The following GRID1 variants were observed in gnomAD, a reference collection of about 807,000 sequenced individuals.
The protein encoded by GRID1 is glutamate ionotropic receptor delta type subunit 1.
A neutral mutation model predicts 98.0 loss-of-function variants in GRID1; 28 were observed. That is an observed-to-expected ratio of 0.29 (90% CI 0.21 to 0.39). The LOEUF (loss-of-function observed/expected upper bound fraction) is 0.39. Among genes scored for constraint, GRID1 ranks in the 10% least tolerant of loss-of-function variants. The probability of loss-of-function intolerance (pLI) is 1.00; values close to 1 mark genes in which losing one functional copy is unlikely to be tolerated. For missense variants in GRID1, 1,111 were observed against 1,340.5 expected (o/e 0.83, Z 2.67); for synonymous variants, 553 against 538.5 (o/e 1.03, Z -0.37).
At chr10:85,757,283 A>G (rs1050648553) in intron 8 of GRID1, among the ~76,000 whole-genome samples, 2 of 152,198 alleles carry the variant, frequency 1.3e-5, no homozygotes, top group African/African-American at 4.8e-5. Context: ...ATGAGAAGGA[A>G]AGTTTTCCCT....
chr10:86,042,151 A>C (rs907902433), intron 4 of GRID1, among the ~76,000 whole-genome samples: 1 of 152,196 alleles, frequency 6.6e-6, no homozygotes, highest in Non-Finnish European at 1.5e-5. Context: ...GCTTCAGCCA[A>C]ATTCTCTAAA....
intron 12 of GRID1, among the ~76,000 whole-genome samples, chr10:85,715,915 T>G (rs1168413925): frequency 6.6e-6 from 1 of 152,086 alleles, no homozygotes; most frequent in African/African-American, 2.4e-5. Context: ...CCTTTTTTTT[T>G]TTTTCTTTTG....
At chr10:86,274,756 G>T (rs1847243038) in intron 2 of GRID1, among the ~76,000 whole-genome samples, 1 of 151,628 alleles carries the variant, frequency 6.6e-6, no homozygotes, top group Non-Finnish European at 1.5e-5. Context: ...TTTGTACATT[G>T]ATTTTGTATC....
At chr10:85,802,505 T>C (rs943083437) in intron 8 of GRID1, among the ~76,000 whole-genome samples, 1 of 152,036 alleles carries the variant, frequency 6.6e-6, no homozygotes, top group African/African-American at 2.4e-5. Context: ...AATAGAACTG[T>C]GGTAAAATGC....
intron 4 of GRID1, among the ~76,000 whole-genome samples, chr10:86,079,020 CACAG>C: frequency 6.6e-6 from 1 of 152,352 alleles, no homozygotes; most frequent in Middle Eastern, 3.4e-3. Flanking sequence ...CCCCCGTCAG[CACAG>C]CACTCAGAAA....
At chr10:86,109,686 C>T (rs1844447437) in intron 4 of GRID1, among the ~76,000 whole-genome samples, 1 of 152,180 alleles carries the variant, frequency 6.6e-6, no homozygotes, top group South Asian at 2.1e-4. Context: ...CATTGACTGG[C>T]CTCCTCCCTA....
intron 2 of GRID1, among the ~76,000 whole-genome samples, chr10:86,251,116 T>C (rs770669560): frequency 1.3e-5 from 2 of 152,208 alleles, no homozygotes; most frequent in Non-Finnish European, 2.9e-5. Flanking sequence ...GTGCAAGTTG[T>C]GCTTTGTTAA....
At chr10:85,662,657 C>A (rs1325578068) in intron 12 of GRID1, among the ~76,000 whole-genome samples, 1 of 152,212 alleles carries the variant, frequency 6.6e-6, no homozygotes, top group East Asian at 1.9e-4. Context: ...CTGAACTGAG[C>A]CTTGTATGAC....
At chr10:85,706,764 A>G (rs1456041833) in intron 12 of GRID1, among the ~76,000 whole-genome samples, 1 of 152,194 alleles carries the variant, frequency 6.6e-6, no homozygotes, top group African/African-American at 2.4e-5. Flanking sequence ...CAAAACAGAG[A>G]TATAGATCAA....
At chr10:85,604,560 G>A (rs181435859) in intron 15 of GRID1, among the ~76,000 whole-genome samples, 591 of 152,256 alleles carry the variant, frequency 3.9e-3, no homozygotes, top group Non-Finnish European at 6.6e-3. Flanking sequence ...GGCAAGTGTC[G>A]TCGGGAAATT....
At chr10:85,910,912 C>G (rs1488665922) in intron 5 of GRID1, among the ~76,000 whole-genome samples, 1 of 152,124 alleles carries the variant, frequency 6.6e-6, no homozygotes, top group East Asian at 1.9e-4. Context: ...AAAGGGAAGT[C>G]CTAGACAATC....
intron 2 of GRID1, among the ~76,000 whole-genome samples, chr10:86,301,050 A>G (rs1847678702): frequency 6.6e-6 from 1 of 152,226 alleles, no homozygotes; most frequent in South Asian, 2.1e-4. Flanking sequence ...TGTTTAGGCC[A>G]AAATGCACAG....
At chr10:85,978,210 T>C (rs1464803961) in intron 4 of GRID1, among the ~76,000 whole-genome samples, 1 of 152,192 alleles carries the variant, frequency 6.6e-6, no homozygotes, top group Admixed American at 6.5e-5. Context: ...AGCCACATCC[T>C]TGGGGTTCAG....
chr10:85,632,059 A>G (rs1445973484), intron 13 of GRID1, among the ~76,000 whole-genome samples: 1 of 152,070 alleles, frequency 6.6e-6, no homozygotes, highest in Non-Finnish European at 1.5e-5. Flanking sequence ...CTCCCCTAGC[A>G]TGATGTCTGG....
At chr10:86,155,334 G>T (rs905035274) in intron 3 of GRID1, among the ~76,000 whole-genome samples, 5 of 152,156 alleles carry the variant, frequency 3.3e-5, no homozygotes, top group African/African-American at 1.2e-4. Flanking sequence ...GCCTCTGCCC[G>T]GGACACCAAA....
intron 8 of GRID1, among the ~76,000 whole-genome samples, chr10:85,800,524 AC>A (rs1280313335): frequency 2.0e-5 from 3 of 151,906 alleles, no homozygotes; most frequent in African/African-American, 7.2e-5. Context: ...CAACAACAAA[AC>A]CCCAAAACGA....
At chr10:86,347,816 T>C (rs1201329173) in intron 2 of GRID1, among the ~76,000 whole-genome samples, 3 of 152,044 alleles carry the variant, frequency 2.0e-5, no homozygotes, top group Non-Finnish European at 4.4e-5. Context: ...ACATGGAGGG[T>C]GATTTCAGAC....
chr10:85,633,459 G>A (rs1473183141), intron 13 of GRID1, among the ~76,000 whole-genome samples: 2 of 152,178 alleles, frequency 1.3e-5, no homozygotes, highest in East Asian at 3.8e-4. Flanking sequence ...CCATGAAACT[G>A]TACCCTGAGG....
intron 2 of GRID1, among the ~76,000 whole-genome samples, chr10:86,344,450 C>A (rs1386766058): frequency 6.6e-6 from 1 of 152,204 alleles, no homozygotes; most frequent in Admixed American, 6.5e-5. Context: ...GCCTTCCCCC[C>A]AGCCAAGACT....
Sources: gnomAD v4.1 joint callset for allele counts (sites outside exome capture counted in the v4.1 genomes callset) on GRCh38, gnomAD v4.1.1 for gene constraint, MANE v1.5 for transcripts, NCBI Gene and HGNC (gene_info 2026-07-23, HGNC 2026-07-21) for gene names.